SEC61A1: variants seen among roughly 807,000 people sequenced by gnomAD.
The protein encoded by SEC61A1 is protein transport protein Sec61 subunit alpha isoform 1.
In SEC61A1, 15 loss-of-function variants were observed where a neutral mutation model predicts 55.2. That is an observed-to-expected ratio of 0.27 (90% CI 0.18 to 0.42). The LOEUF (loss-of-function observed/expected upper bound fraction) is 0.42. Among genes scored for constraint, SEC61A1 ranks in the 10% least tolerant of loss-of-function variants. The pLI is 1.00. For missense variants in SEC61A1, 284 were observed against 602.6 expected (o/e 0.47, Z 5.53); for synonymous variants, 247 against 234.0 (o/e 1.06, Z -0.51).
intron 6 of SEC61A1, 33 bp downstream of exon 6, chr3:128,060,244 G>T: frequency 7.0e-7 from 1 of 1,438,044 alleles, no homozygotes; most frequent in Non-Finnish European, 9.8e-7. Context: ...CCTTTGAGTA[G>T]CCCCTCACAC....
At chr3:128,068,530 A>T (rs992259016) in intron 11 of SEC61A1, 4 of 162,774 alleles carry the variant, frequency 2.5e-5, no homozygotes, top group African/African-American at 9.6e-5. Flanking sequence ...GAAGGGGTTG[A>T]TGTGCATCTG....
At chr3:128,059,305 A>G (rs1167100849) in intron 5 of SEC61A1, among the ~76,000 whole-genome samples, 1 of 152,078 alleles carries the variant, frequency 6.6e-6, no homozygotes, top group Non-Finnish European at 1.5e-5. Flanking sequence ...AACCCTGTCT[A>G]CACTAAAAAT....
At position 128,055,506 on chromosome 3, in the gene SEC61A1, C is replaced by A. The variant is rs770594530; in HGVS notation, c.76-10C>A. On this transcript the variant is annotated splice_polypyrimidine_tract_variant and intron_variant, in intron 2 of 11. Transcript: ENST00000243253. ...AACTCCCTGCTTCAATTCATTCTCT[C>A]CTACTCTAGATTCAGTTTAAGGAGA... 6.2e-7 allele frequency: 1 copy of A among 1,603,682 alleles called. No individual in the cohort carries two copies. Among genetic ancestry groups the A allele is most frequent in the South Asian group, 1.1e-5 (1 of 90,864 alleles).
At chr3:128,054,471 C>G (rs1941740868) in intron 2 of SEC61A1, among the ~76,000 whole-genome samples, 1 of 152,126 alleles carries the variant, frequency 6.6e-6, no homozygotes, top group Admixed American at 6.5e-5. Flanking sequence ...TGTGAATGCC[C>G]CCAGCTTTGG....
At chr3:128,051,725 C>T, upstream of SEC61A1, 1 of 1,471,922 alleles carries the variant, frequency 6.8e-7, no homozygotes, top group East Asian at 2.5e-5. Context: ...AGGCTCGGCA[C>T]AAAGGTACTC....
At chr3:128,064,827 A>G (rs779672456) in intron 7 of SEC61A1, 50 bp from the exon 8 acceptor site, 10 of 1,502,200 alleles carry the variant, frequency 6.7e-6, no homozygotes, top group Admixed American at 2.2e-5. Context: ...CTAGAAGCAA[A>G]TTGAGTTGCC....
upstream of SEC61A1, chr3:128,051,759 T>C: frequency 6.6e-7 from 1 of 1,506,110 alleles, no homozygotes; most frequent in Non-Finnish European, 8.8e-7. Context: ...TCCTGAATTC[T>C]TCTGTGAGGC....
intron 5 of SEC61A1, among the ~76,000 whole-genome samples, chr3:128,059,042 A>G (rs1350884086): frequency 2.0e-5 from 3 of 151,560 alleles, no homozygotes; most frequent in Admixed American, 6.6e-5. Flanking sequence ...TACATGACAG[A>G]TTAAATAGGA....
chr3:128,056,484 GAC>G, intron 4 of SEC61A1, among the ~76,000 whole-genome samples: 1 of 152,212 alleles, frequency 6.6e-6, no homozygotes, highest in Non-Finnish European at 1.5e-5. Flanking sequence ...GACACCATGT[GAC>G]TTCCTAAACA....
rs758640768 is a variant in SEC61A1, at chr3:128,065,732, AT to A, written c.777+717del. Among the ~76,000 whole-genome samples the A allele has an allele frequency of 3.3e-3, 325 of 97,494 alleles. 1 individual carries two copies. The highest frequency in any genetic ancestry group is 0.011 in the African/African-American group (262 of 24,132). The allele number at this position is 97,494 out of a possible 152,430, so 64.0% of individuals were successfully genotyped here. On this transcript the variant is annotated intron_variant, in intron 8 of 11. Transcript: ENST00000243253. ...AGAATTTGCAGTCAGATCATTAAGA[AT>A]TTTTTTTTTTTTTTTTTTTTTGAGA...
intron 5 of SEC61A1, among the ~76,000 whole-genome samples, chr3:128,057,838 G>A (rs1336217831): frequency 7.2e-3 from 2 of 278 alleles, no homozygotes; most frequent in African/African-American, 0.042. Context: ...CAAACATGGG[G>A]GACAGAGCAA....
intron 2 of SEC61A1, among the ~76,000 whole-genome samples, chr3:128,054,305 A>C (rs1455034033): frequency 6.6e-6 from 1 of 152,182 alleles, no homozygotes; most frequent in Admixed American, 6.5e-5. Flanking sequence ...TTAGAAAGGG[A>C]GTTTTGAAAA....
In SEC61A1 at chr3:128,070,176, C is replaced by T. The variant is rs1942119364; in HGVS notation, c.*514C>T. 6.5e-6 allele frequency: 1 copy of T among 152,760 alleles called. No individual in the cohort carries two copies. Among genetic ancestry groups the T allele is most frequent in the Non-Finnish European group, 1.5e-5 (1 of 68,140 alleles). 9.5% of individuals were successfully genotyped at this position (152,760 alleles called of 1,614,324 possible). On this transcript the variant is annotated 3_prime_UTR_variant, in exon 12 of 12. Coordinates refer to ENST00000243253, the MANE Select transcript of SEC61A1 (RefSeq NM_013336.4). ...GGGAATATCTGGCTTAGGACTGTTT[C>T]TCTCTAAGACACCATTGTTTTCCCT...
chr3:128,063,652 A>C (rs1941886037), intron 7 of SEC61A1, among the ~76,000 whole-genome samples: 1 of 152,036 alleles, frequency 6.6e-6, no homozygotes, highest in Non-Finnish European at 1.5e-5. Flanking sequence ...GACTTTTTTA[A>C]AAGTGCTCCT....
At chr3:128,053,576 T>C (rs1941723767) in intron 2 of SEC61A1, among the ~76,000 whole-genome samples, 1 of 152,256 alleles carries the variant, frequency 6.6e-6, no homozygotes, top group African/African-American at 2.4e-5. Context: ...TGTCCTCACA[T>C]TATTTTTCAA....
chr3:128,067,340 C>A lies in SEC61A1; in HGVS notation c.976-81C>A. The A allele has an allele frequency of 6.9e-7, 1 of 1,450,256 alleles. No homozygotes were observed. Among genetic ancestry groups the A allele is most frequent in the Non-Finnish European group, 9.4e-7 (1 of 1,063,980 alleles). 89.8% of individuals were successfully genotyped at this position (1,450,256 alleles called of 1,614,324 possible). ...GGCACCGAGTAAAATTGCATTCTTTCATCTGCTCAGAACTATTTTTGCCTT... is the reference window on the plus strand; with the variant it reads ...GGCACCGAGTAAAATTGCATTCTTTAATCTGCTCAGAACTATTTTTGCCTT... On this transcript the variant is annotated intron_variant, in intron 9 of 11. Coordinates refer to ENST00000243253, the MANE Select transcript of SEC61A1 (RefSeq NM_013336.4). This position sits in a 1 kb window ranked among gnomAD's most constrained non-coding sequence, Gnocchi z 4.1.
At chr3:128,055,023 T>G (rs1159148796) in intron 2 of SEC61A1, among the ~76,000 whole-genome samples, 1 of 152,204 alleles carries the variant, frequency 6.6e-6, no homozygotes, top group African/African-American at 2.4e-5. Flanking sequence ...CCTTAATTCA[T>G]AGAAAATACA....
intron 7 of SEC61A1, among the ~76,000 whole-genome samples, chr3:128,063,582 G>A (rs375261488): frequency 1.3e-5 from 2 of 152,128 alleles, no homozygotes; most frequent in African/African-American, 4.8e-5. Flanking sequence ...TGATCCGCCC[G>A]CGTCAGTCTC....
In SEC61A1 at chr3:128,055,647, CTG is replaced by C. The variant is rs541184502; in HGVS notation, c.142-24_142-23del. ...GAGTGGCTGGAAACAGGAGTGCTGA[CTG>C]TTTTGCTCTTTGCCTGTTCCCAGAT... On this transcript the variant is annotated intron_variant, in intron 3 of 11. Coordinates refer to ENST00000243253, the MANE Select transcript of SEC61A1 (RefSeq NM_013336.4). 5,958 of 1,611,352 alleles carry C rather than the reference CTG, an allele frequency of 3.7e-3. 29 individuals carry two copies. Among genetic ancestry groups the C allele is most frequent in the Non-Finnish European group, 4.7e-3 (5,565 of 1,177,478 alleles).
Sources: allele counts gnomAD v4.1 joint callset (sites outside exome capture counted in the v4.1 genomes callset), GRCh38; gene constraint gnomAD v4.1.1; non-coding constraint Gnocchi (gnomAD v3.1); transcripts MANE v1.5; gene names NCBI Gene and HGNC (gene_info 2026-07-23, HGNC 2026-07-21).